Variants in CCSER1 observed in about 807,000 individuals in gnomAD.
CCSER1 encodes coiled-coil serine rich protein 1, also known as serine-rich coiled-coil domain-containing protein 1.
In CCSER1, 41 loss-of-function variants were observed where a neutral mutation model predicts 82.0. The ratio of observed to expected loss-of-function variants is 0.50; its 90% CI spans 0.39 to 0.65. CCSER1 has a LOEUF of 0.65. Among genes scored for constraint, CCSER1 ranks in the 30% least tolerant of loss-of-function variants. The pLI is 0.00. For missense variants in CCSER1, 1,119 were observed against 1,064.2 expected, an observed-to-expected ratio of 1.05 and a Z score of -0.72; for synonymous variants, 414 against 383.9, an observed-to-expected ratio of 1.08 and a Z score of -0.92.
chr4:90,620,905 C>T (rs997054593), intron 5 of CCSER1, among the ~76,000 whole-genome samples: 2 of 152,148 alleles, frequency 1.3e-5, no homozygotes, highest in Non-Finnish European at 2.9e-5. Context: ...CCTCCACCTC[C>T]TGGGTTCAAG....
intron 4 of CCSER1, among the ~76,000 whole-genome samples, chr4:90,466,345 G>T (rs1229116034): frequency 1.3e-5 from 2 of 152,212 alleles, no homozygotes; most frequent in African/African-American, 2.4e-5. Context: ...TGGGCCATAG[G>T]CCATGAACCT....
intron 10 of CCSER1, among the ~76,000 whole-genome samples, chr4:91,362,969 A>G (rs10516892): frequency 0.28 from 42,650 of 151,446 alleles, 6,798 homozygotes; most frequent in Middle Eastern, 0.45. Flanking sequence ...TTAACATTTT[A>G]AACAAACAAT....
chr4:91,357,698 A>C (rs1284199280), intron 10 of CCSER1, among the ~76,000 whole-genome samples: 3 of 152,156 alleles, frequency 2.0e-5, no homozygotes, highest in South Asian at 4.1e-4. Context: ...AAATTATACA[A>C]CATTTTTTGC....
chr4:90,862,851 T>C (rs567737542), intron 8 of CCSER1, among the ~76,000 whole-genome samples: 12 of 151,556 alleles, frequency 7.9e-5, no homozygotes, highest in Admixed American at 7.3e-4. Flanking sequence ...TAATAAACTT[T>C]AGGTTCAGAA....
intron 10 of CCSER1, among the ~76,000 whole-genome samples, chr4:91,096,160 A>G (rs1724490176): frequency 6.6e-6 from 1 of 152,190 alleles, no homozygotes; most frequent in African/African-American, 2.4e-5. Flanking sequence ...CTATCCCAGC[A>G]TATTGCTGCT....
chr4:90,918,961 A>G (rs958979281), intron 8 of CCSER1, among the ~76,000 whole-genome samples: 3 of 151,706 alleles, frequency 2.0e-5, no homozygotes, highest in African/African-American at 7.3e-5. Flanking sequence ...TGACTTTATC[A>G]TTTTATTCCA....
At chr4:91,405,536 G>T (rs1752643323) in intron 10 of CCSER1, among the ~76,000 whole-genome samples, 1 of 152,188 alleles carries the variant, frequency 6.6e-6, no homozygotes, top group Non-Finnish European at 1.5e-5. Flanking sequence ...TACAGAATGG[G>T]AGAAAATTTT....
At chr4:90,995,290 GTTTAT>G (rs1737396721) in intron 9 of CCSER1, among the ~76,000 whole-genome samples, 1 of 152,098 alleles carries the variant, frequency 6.6e-6, no homozygotes, top group Non-Finnish European at 1.5e-5. Flanking sequence ...AGTTGAAAAT[GTTTAT>G]TTTAAGCTTT....
At chr4:90,859,317 C>G (rs1407528838) in intron 8 of CCSER1, among the ~76,000 whole-genome samples, 2 of 151,724 alleles carry the variant, frequency 1.3e-5, no homozygotes, top group Admixed American at 1.3e-4. Flanking sequence ...ATGTTATTGT[C>G]CACTCAATAT....
At chr4:90,694,413 G>A (rs560886004) in intron 6 of CCSER1, among the ~76,000 whole-genome samples, 147 of 151,930 alleles carry the variant, frequency 9.7e-4, no homozygotes, top group Non-Finnish European at 1.8e-3. Context: ...CAAGTGGGTA[G>A]TTACTTAATG....
rs982601692 is a variant in CCSER1, at chr4:90,783,751, A to G, written c.2011-32011A>G. On this transcript the variant is annotated intron_variant, in intron 7 of 10. Transcript: ENST00000509176. ...TCTCTAACCTTTCTGTCCACATTAC[A>G]TAGAAGAAATAAAACTGTGATGGTT... 7.9e-5 allele frequency among the ~76,000 whole-genome samples: 12 copies of G among 152,310 alleles called. 1 individual carries two copies. The East Asian group carries it at 1.9e-3, about 24-fold the overall frequency.
chr4:90,255,788 G>C (rs1347811188), intron 1 of CCSER1, among the ~76,000 whole-genome samples: 1 of 152,142 alleles, frequency 6.6e-6, no homozygotes, highest in South Asian at 2.1e-4. Flanking sequence ...CCAGTAGTTA[G>C]TGTACAAGTA....
chr4:91,480,398 G>A (rs889878627), intron 10 of CCSER1, among the ~76,000 whole-genome samples: 13 of 152,140 alleles, frequency 8.5e-5, no homozygotes, highest in Non-Finnish European at 1.3e-4. Flanking sequence ...ATCCTCTCCA[G>A]CACCTGTTGT....
At chr4:91,301,605 C>G (rs1326396224) in intron 10 of CCSER1, among the ~76,000 whole-genome samples, 1 of 151,506 alleles carries the variant, frequency 6.6e-6, no homozygotes, top group Non-Finnish European at 1.5e-5. Flanking sequence ...TTTGTGCTCC[C>G]TTGTGGTTTA....
intron 10 of CCSER1, among the ~76,000 whole-genome samples, chr4:91,242,514 T>C (rs561755945): frequency 6.6e-6 from 1 of 152,298 alleles, no homozygotes; most frequent in South Asian, 2.1e-4. Flanking sequence ...ATTATAAGTA[T>C]AAATGTAAAA....
At chr4:91,392,730 G>A (rs1431649810) in intron 10 of CCSER1, among the ~76,000 whole-genome samples, 2 of 152,044 alleles carry the variant, frequency 1.3e-5, no homozygotes, top group Admixed American at 1.3e-4. Context: ...TAGATATTTA[G>A]TCATGTGTAT....
At chr4:90,134,068 G>A (rs994856934) in intron 1 of CCSER1, among the ~76,000 whole-genome samples, 1 of 152,112 alleles carries the variant, frequency 6.6e-6, no homozygotes, top group Non-Finnish European at 1.5e-5. Flanking sequence ...ACTGTAATGT[G>A]CTGGACACTT....
intron 5 of CCSER1, among the ~76,000 whole-genome samples, chr4:90,579,981 G>C (rs1781249571): frequency 6.6e-6 from 1 of 151,696 alleles, no homozygotes; most frequent in Non-Finnish European, 1.5e-5. Context: ...AATAGTAAGT[G>C]AAAATAAAAA....
chr4:90,785,595 C>A (rs1006032255), intron 7 of CCSER1, among the ~76,000 whole-genome samples: 13 of 152,072 alleles, frequency 8.5e-5, no homozygotes, highest in African/African-American at 1.2e-4. Context: ...TATGTTCGAG[C>A]AAAATAATTT....
Sources: allele counts gnomAD v4.1 joint callset (sites outside exome capture counted in the v4.1 genomes callset), GRCh38; gene constraint gnomAD v4.1.1; transcripts MANE v1.5; gene names NCBI Gene and HGNC (gene_info 2026-07-23, HGNC 2026-07-21).